Variants in GPR149 observed in about 807,000 individuals in gnomAD.
GPR149 encodes the protein G protein-coupled receptor 149, also known as probable G protein-coupled receptor 149.
A neutral mutation model predicts 50.2 loss-of-function variants in GPR149; 50 were observed. That is an observed-to-expected ratio of 1.00 (90% CI 0.79 to 1.26). The LOEUF (loss-of-function observed/expected upper bound fraction) is 1.26. GPR149 is among the 50% of genes most tolerant of loss of function. The pLI is 0.00. For synonymous variants in GPR149, 405 were observed against 358.2 expected, an observed-to-expected ratio of 1.13 and a Z score of -1.48; for missense variants, 983 against 895.4, an observed-to-expected ratio of 1.10 and a Z score of -1.25.
intron 3 of GPR149, among the ~76,000 whole-genome samples, chr3:154,390,528 G>C (rs983520950): frequency 1.3e-5 from 2 of 151,684 alleles, no homozygotes; most frequent in Non-Finnish European, 2.9e-5. Flanking sequence ...AGTTAGAAAA[G>C]CAAAGAGAAA....
intron 3 of GPR149, among the ~76,000 whole-genome samples, chr3:154,404,817 C>A (rs1188879136): frequency 3.9e-5 from 6 of 152,182 alleles, no homozygotes; most frequent in African/African-American, 1.4e-4. Flanking sequence ...GTACTTAGAA[C>A]CTCATGTGAA....
intron 3 of GPR149, among the ~76,000 whole-genome samples, chr3:154,405,945 C>T (rs1711674588): frequency 6.6e-6 from 1 of 151,356 alleles, no homozygotes; most frequent in African/African-American, 2.4e-5. Flanking sequence ...AAAAATTGTG[C>T]ATGGTAAAAA....
At chr3:154,381,701 CT>C (rs1714933302) in intron 3 of GPR149, among the ~76,000 whole-genome samples, 1 of 152,038 alleles carries the variant, frequency 6.6e-6, no homozygotes, top group Admixed American at 6.6e-5. Flanking sequence ...TTTGGTGGAA[CT>C]ACTCTAACAA....
chr3:154,414,150 A>G (rs957216118), intron 3 of GPR149, among the ~76,000 whole-genome samples: 1 of 151,844 alleles, frequency 6.6e-6, no homozygotes, highest in Non-Finnish European at 1.5e-5. Context: ...TGGACTTTGG[A>G]CACTCAGGGG....
At chr3:154,397,257 C>T (rs1420304230) in intron 3 of GPR149, among the ~76,000 whole-genome samples, 2 of 152,046 alleles carry the variant, frequency 1.3e-5, no homozygotes, top group Non-Finnish European at 2.9e-5. Flanking sequence ...TAAGAAGGGT[C>T]AGAAAAGACC....
chr3:154,351,313 C>CAA (rs71155003), intron 3 of GPR149, among the ~76,000 whole-genome samples: 97 of 75,564 alleles, frequency 1.3e-3, no homozygotes, highest in Non-Finnish European at 2.0e-3. Flanking sequence ...CATCCACATA[C>CAA]AAAAAAAAAA....
At chr3:154,421,516 G>A in intron 2 of GPR149, 29 bp from the exon 3 acceptor site, 1 of 1,230,678 alleles carries the variant, frequency 8.1e-7, no homozygotes, top group South Asian at 1.5e-5. Flanking sequence ...AACAGTTTAT[G>A]GCTAGTAAGG....
intron 3 of GPR149, among the ~76,000 whole-genome samples, chr3:154,350,950 A>G (rs1263574027): frequency 2.6e-5 from 4 of 152,128 alleles, no homozygotes; most frequent in Admixed American, 2.0e-4. Context: ...ATAGCTGTTT[A>G]CTATATTGTT....
At position 154,348,887 on chromosome 3, in the gene GPR149, C is replaced by T. The variant is rs377072302; in HGVS notation, c.1624-10616G>A. On this transcript the variant is annotated intron_variant, in intron 3 of 3. Transcript: ENST00000389740. ...GATAGACCCTATCTAAGCCATAAGA[C>T]AAACCCTAGGGAATTTAAAGGAAAC... Among the ~76,000 whole-genome samples the T allele has an allele frequency of 5.3e-5, 8 of 152,072 alleles. No homozygotes were observed. The East Asian group carries it at 9.6e-4, about 18-fold the overall frequency.
At chr3:154,370,828 C>T (rs181241098) in intron 3 of GPR149, among the ~76,000 whole-genome samples, 2 of 152,316 alleles carry the variant, frequency 1.3e-5, no homozygotes, top group East Asian at 3.9e-4. Flanking sequence ...CTCTTGCCTC[C>T]TCAGCTGCCA....
At chr3:154,413,646 A>AAT (rs1220530801) in intron 3 of GPR149, among the ~76,000 whole-genome samples, 1 of 150,594 alleles carries the variant, frequency 6.6e-6, no homozygotes, top group African/African-American at 2.4e-5. Context: ...TATAAAATAA[A>AAT]AAAAAAAATA....
chr3:154,425,863 A>G (rs1437531762), intron 2 of GPR149, among the ~76,000 whole-genome samples: 1 of 152,156 alleles, frequency 6.6e-6, no homozygotes, highest in African/African-American at 2.4e-5. Flanking sequence ...ATTTACAAGA[A>G]TAAGTCTGTT....
rs865914110 is a variant in GPR149, at chr3:154,410,323, A to G, written c.1623+10716T>C. 1.1e-4 allele frequency among the ~76,000 whole-genome samples: 17 copies of G among 152,220 alleles called. 1 individual carries two copies. The highest frequency in any genetic ancestry group is 4.2e-4 in the South Asian group (2 of 4,818). ...AGGACCTATATAACAATAACAATGA[A>G]AAAAACCAAGTTATTCAGGCAACAA... On this transcript the variant is annotated intron_variant, in intron 3 of 3. Coordinates refer to ENST00000389740, the MANE Select transcript of GPR149 (RefSeq NM_001038705.3).
At chr3:154,395,345 C>T (rs1715264826) in intron 3 of GPR149, among the ~76,000 whole-genome samples, 1 of 150,802 alleles carries the variant, frequency 6.6e-6, no homozygotes, top group East Asian at 2.0e-4. Context: ...CATATACACT[C>T]TACCAGTTAA....
intron 3 of GPR149, among the ~76,000 whole-genome samples, chr3:154,415,921 T>C (rs1711973168): frequency 1.3e-5 from 2 of 151,874 alleles, no homozygotes; most frequent in African/African-American, 2.4e-5. Context: ...TTCCAGATGA[T>C]TATTTTTGTT....
chr3:154,424,743 T>C (rs894129707), intron 2 of GPR149, among the ~76,000 whole-genome samples: 15 of 151,886 alleles, frequency 9.9e-5, no homozygotes, highest in Non-Finnish European at 1.8e-4. Flanking sequence ...AAATCCTTGA[T>C]AAAATATGAA....
Position 154,337,694 on chromosome 3 carries a change from AC to A in GPR149, c.*4del. 6.3e-7 allele frequency: 1 copy of A among 1,577,894 alleles called. No individual in the cohort carries two copies. ...CATTCTTGCTCCTGTTAGACCAAAT[AC>A]CCACTAACTACCCTTGCTTTCTTCC... On this transcript the variant is annotated 3_prime_UTR_variant, in exon 4 of 4. Coordinates refer to ENST00000389740, the MANE Select transcript of GPR149 (RefSeq NM_001038705.3).
intron 3 of GPR149, among the ~76,000 whole-genome samples, chr3:154,364,354 C>A (rs73872830): frequency 0.011 from 1,728 of 152,338 alleles, 31 homozygotes; most frequent in African/African-American, 0.04. Flanking sequence ...GTTTTTCTCA[C>A]ATACGAAATA....
chr3:154,419,526 A>G (rs1421517771), intron 3 of GPR149, among the ~76,000 whole-genome samples: 1 of 152,098 alleles, frequency 6.6e-6, no homozygotes, highest in Non-Finnish European at 1.5e-5. Flanking sequence ...CATCTTTAGA[A>G]GGCTCAAAAT....
Sources: allele counts gnomAD v4.1 joint callset (sites outside exome capture counted in the v4.1 genomes callset), GRCh38; gene constraint gnomAD v4.1.1; transcripts MANE v1.5; gene names NCBI Gene and HGNC (gene_info 2026-07-23, HGNC 2026-07-21).